The following IGDCC4 variants were observed in gnomAD, a reference collection of about 807,000 sequenced individuals.
The protein encoded by IGDCC4 is likely ortholog of mouse neighbor of Punc E11.
Under a neutral mutation model 116.6 loss-of-function variants are expected in IGDCC4, and 72 were observed. The ratio of observed to expected loss-of-function variants is 0.62; its 90% CI spans 0.51 to 0.75. IGDCC4 has a LOEUF of 0.75. Among genes scored for constraint, IGDCC4 ranks in the 30% least tolerant of loss-of-function variants. The pLI is 0.00. For synonymous variants in IGDCC4, 709 were observed against 719.9 expected (o/e 0.98, Z 0.24); for missense variants, 1,501 against 1,662.4 (o/e 0.90, Z 1.69).
At position 65,396,034 on chromosome 15, in the gene IGDCC4, C is replaced by A; in HGVS notation, c.1127G>T (p.Arg376Leu). ...CTGGACCTTGACGCGCCCGTTGGGC[C>A]GCAGCGGCGCCCCGTTGTGCAGCCA... is the stretch of plus-strand genomic sequence containing the variant. ...LRWLHNGAPL[R>L]PNGRVKVQGG... Residue 376 changes from arginine (R) to leucine (L), a missense_variant, in exon 7 of 20, where the codon CGG becomes CTG. By Grantham distance (102) the Arg-to-Leu change is moderately radical (BLOSUM62 -2). This residue lies in a region of IGDCC4 where 898 missense variants were observed against 978.9 expected (regional missense o/e 0.92). Transcript: ENST00000352385. 1 of 1,465,140 alleles carries A rather than the reference C, an allele frequency of 6.8e-7. No homozygotes were observed. Among genetic ancestry groups the A allele is most frequent in the Middle Eastern group, 1.9e-4 (1 of 5,268 alleles). The allele number at this position is 1,465,140 out of a possible 1,614,324, so 90.8% of individuals were successfully genotyped here.
chr15:65,389,624 C>A (rs1462953694), intron 13 of IGDCC4, among the ~76,000 whole-genome samples: 1 of 152,210 alleles, frequency 6.6e-6, no homozygotes, highest in East Asian at 1.9e-4. Context: ...AAACCAGACC[C>A]CTTCCTCCAG....
Position 65,396,831 on chromosome 15 carries a change from C to T in IGDCC4, c.997+3G>A. The T allele has an allele frequency of 6.4e-7, 1 of 1,565,530 alleles. No individual in the cohort carries two copies. Among genetic ancestry groups the T allele is most frequent in the Non-Finnish European group, 8.7e-7 (1 of 1,154,992 alleles). On this transcript the variant is annotated splice_donor_region_variant and intron_variant, in intron 6 of 19. Coordinates refer to ENST00000352385, the MANE Select transcript of IGDCC4 (RefSeq NM_020962.3). ...GCTCCCTCCGCCCTTCGGCCCGCCT[C>T]ACCCAGCACACGGAGCTCAGCGGCT...
At position 65,390,280 on chromosome 15, in the gene IGDCC4, G is replaced by A. The variant is rs1160030578; in HGVS notation, c.2283C>T (p.Asn761=). The stretch of plus-strand genomic sequence containing the variant: ...ACCGAAGCCAGATGGATGTGGAGCT[G>A]TTTGATTCCGCATGGACGTGGGCTG... ...LPPAHVHAES[N]SSTSIWLRWK... The change falls in exon 13 of 20, where the codon AAC becomes AAT. Residue 761 remains asparagine (N), a synonymous_variant. Coordinates refer to ENST00000352385, the MANE Select transcript of IGDCC4 (RefSeq NM_020962.3). The A allele has an allele frequency of 1.9e-6, 3 of 1,613,134 alleles. No homozygotes were observed. The highest frequency in any genetic ancestry group is 4.5e-5 in the East Asian group (2 of 44,854).
intron 3 of IGDCC4, 60 bp from the exon 4 acceptor site, chr15:65,402,547 T>G (rs958636583): frequency 3.3e-6 from 5 of 1,536,370 alleles, no homozygotes; most frequent in East Asian, 4.8e-5. Context: ...GGAGGGTGGC[T>G]CATGGTAAGA....
Position 65,395,812 on chromosome 15 carries a change from T to C in IGDCC4, c.1349A>G (p.Glu450Gly). The C allele has an allele frequency of 1.3e-6, 2 of 1,509,964 alleles. No homozygotes were observed. The highest frequency in any genetic ancestry group is 1.8e-6 in the Non-Finnish European group (2 of 1,126,078). The allele number at this position is 1,509,964 out of a possible 1,614,324, so 93.5% of individuals were successfully genotyped here. The change falls in exon 7 of 20, where the codon GAG becomes GGG. Residue 450 changes from glutamate (E) to glycine (G), a missense_variant. Physicochemically the swap from Glu to Gly is moderately conservative, Grantham distance 98. Around this residue, in one of 3 missense-constraint regions of IGDCC4, gnomAD observed 898 missense variants for 978.9 expected, o/e 0.92. Coordinates refer to ENST00000352385, the MANE Select transcript of IGDCC4 (RefSeq NM_020962.3). ...CTGCTCGCTGTGCATCTCGGGCCGCTCCCAGGCCACCAACACAGCGGAGCT... is the reference window on the plus strand; with the variant it reads ...CTGCTCGCTGTGCATCTCGGGCCGCCCCCAGGCCACCAACACAGCGGAGCT... ...LSSSAVLVAWERPEMHSEQII... is the reference protein window; with the variant it reads ...LSSSAVLVAWGRPEMHSEQII...
chr15:65,390,755 A>T (rs2091506751), intron 12 of IGDCC4, among the ~76,000 whole-genome samples: 1 of 152,320 alleles, frequency 6.6e-6, no homozygotes, highest in Non-Finnish European at 1.5e-5. Context: ...TTAATATTTT[A>T]AAAATAGATA....
rs1235105783 is a variant in IGDCC4 at position 65,396,915 on chromosome 15, G to C, written c.916C>G (p.His306Asp). The C allele has an allele frequency of 6.4e-7, 1 of 1,573,394 alleles. No homozygotes were observed. The highest frequency in any genetic ancestry group is 8.6e-7 in the Non-Finnish European group (1 of 1,159,180). ...NLLIANAQPW[H>D]SGVYVCRANK... ...GCGCGGCAGACATAGACGCCGGAGT[G>C]CCAGGGCTGCGCGTTGGCAATTAGT... Residue 306 changes from histidine (H) to aspartate (D), a missense_variant, in exon 6 of 20, where the codon CAC becomes GAC. Coordinates refer to ENST00000352385, the MANE Select transcript of IGDCC4 (RefSeq NM_020962.3).
At chr15:65,389,453 C>A in intron 13 of IGDCC4, 42 bp from the exon 14 acceptor site, 1 of 1,613,952 alleles carries the variant, frequency 6.2e-7, no homozygotes, top group Middle Eastern at 1.7e-4. Flanking sequence ...CAGGCACACT[C>A]TCCCAGCAGG....
rs1346498986 is a variant in IGDCC4, at chr15:65,391,849, C to T, written c.2224+31G>A. 3.1e-6 allele frequency: 5 copies of T among 1,591,320 alleles called. No individual in the cohort carries two copies. In the Admixed American group the frequency reaches 6.7e-5, roughly 21 times the overall value. On this transcript the variant is annotated intron_variant, in intron 12 of 19. Coordinates refer to ENST00000352385, the MANE Select transcript of IGDCC4 (RefSeq NM_020962.3). Reference sequence around the variant, plus strand: ...CGGCTAGCAGAGCCCTCACCTGAGCCCTCCCCGCCTTCTTCCCCCACCGCC... The same window carrying T: ...CGGCTAGCAGAGCCCTCACCTGAGCTCTCCCCGCCTTCTTCCCCCACCGCC...
rs1448744410 is a variant in IGDCC4, at chr15:65,396,993, G to A, written c.842-4C>T. 4 of 1,575,750 alleles carry A rather than the reference G, an allele frequency of 2.5e-6. No homozygotes were observed. Among genetic ancestry groups the A allele is most frequent in the African/African-American group, 2.7e-5 (2 of 74,410 alleles). On this transcript the variant is annotated splice_region_variant and splice_polypyrimidine_tract_variant and intron_variant, in intron 5 of 19. Transcript: ENST00000352385. The stretch of plus-strand genomic sequence containing the variant: ...TCTGTGGAGATGGGCTTCCCGTCTG[G>A]GGAAGGAGAGGGAGACGCGCTGGAG...
In IGDCC4 at chr15:65,393,306, A is replaced by G; in HGVS notation, c.1885+55T>C. On this transcript the variant is annotated intron_variant, in intron 10 of 19. Coordinates refer to ENST00000352385, the MANE Select transcript of IGDCC4 (RefSeq NM_020962.3). This position sits in a 1 kb window ranked among gnomAD's most constrained non-coding sequence, Gnocchi z 4.6. ...GTGGGGCGCTGGGTCCCAAGGACAC[A>G]CGCACACCCACACAGTCACACACAC... 2 of 1,511,802 alleles carry G rather than the reference A, an allele frequency of 1.3e-6. No individual in the cohort carries two copies. The highest frequency in any genetic ancestry group is 2.4e-5 in the East Asian group (1 of 40,914). 93.6% of individuals were successfully genotyped at this position (1,511,802 alleles called of 1,614,324 possible). A position where few individuals can be genotyped will look rare whatever the true frequency, so the allele number is the denominator to read the frequency against.
intron 17 of IGDCC4, 139 bp downstream of exon 17, chr15:65,386,412 C>A: frequency 1.3e-6 from 1 of 755,356 alleles, no homozygotes; most frequent in South Asian, 1.5e-5. Flanking sequence ...ATCCCTGATT[C>A]CTTCATCCCA....
At chr15:65,422,652 G>A in intron 1 of IGDCC4, 141 bp downstream of exon 1, 1 of 533,132 alleles carries the variant, frequency 1.9e-6, no homozygotes, top group Non-Finnish European at 2.7e-6. Flanking sequence ...CCCCGCGCAG[G>A]CATCGCGGGC....
At chr15:65,396,693 G>C (rs2062930578) in intron 6 of IGDCC4, 141 bp downstream of exon 6, 2 of 1,079,254 alleles carry the variant, frequency 1.9e-6, no homozygotes, top group Non-Finnish European at 2.6e-6. Flanking sequence ...TCCCACCTCC[G>C]CCTTACTAGG....
At chr15:65,398,998 T>C (rs768442806) in intron 5 of IGDCC4, among the ~76,000 whole-genome samples, 13 of 152,130 alleles carry the variant, frequency 8.5e-5, no homozygotes, top group Non-Finnish European at 1.3e-4. Context: ...GGAATGAAGC[T>C]CCTTTCCAGC....
Position 65,410,931 on chromosome 15 carries a change from A to C in IGDCC4, c.421+89T>G. On this transcript the variant is annotated intron_variant, in intron 2 of 19. Transcript: ENST00000352385. ...GGGGGAGTGGGATCAAGAGAGAGGC[A>C]TTTGTGCAAGTAACTAACTGCAGAT... 4 of 1,038,948 alleles carry C rather than the reference A, an allele frequency of 3.9e-6. 1 individual carries two copies. The highest frequency in any genetic ancestry group is 5.5e-6 in the Non-Finnish European group (4 of 721,720). The allele number at this position is 1,038,948 out of a possible 1,614,324, so 64.4% of individuals were successfully genotyped here.
Position 65,402,405 on chromosome 15 carries a change from T to A in IGDCC4, c.646A>T (p.Asn216Tyr), listed in dbSNP as rs2062996247. Residue 216 changes from asparagine to tyrosine, a missense_variant, in exon 4 of 20, where the codon AAC (asparagine) becomes TAC (tyrosine). Transcript: ENST00000352385. ...DAGPYRCVAT[N>Y]SARQHFSQEA... is the part of the protein sequence containing the mutation. ...TGGCTGAAGTGCTGGCGAGCTGAGTTGGTGGCCACGCAGCGGTAGGGGCCT... is the reference window on the plus strand; with the variant it reads ...TGGCTGAAGTGCTGGCGAGCTGAGTAGGTGGCCACGCAGCGGTAGGGGCCT... 6.4e-7 allele frequency: 1 copy of A among 1,571,942 alleles called. No individual in the cohort carries two copies. Among genetic ancestry groups the A allele is most frequent in the South Asian group, 1.2e-5 (1 of 85,426 alleles).
Position 65,384,490 on chromosome 15 carries a change from G to C in IGDCC4, c.3343-71C>G. Reference sequence around the variant, plus strand: ...GTAATCATCAGAATGACCAGCGTACGTGGGGCAGAAAGTCTGACCCTCCAT... The same window carrying C: ...GTAATCATCAGAATGACCAGCGTACCTGGGGCAGAAAGTCTGACCCTCCAT... On this transcript the variant is annotated intron_variant, in intron 19 of 19. Transcript: ENST00000352385. The surrounding 1 kb of genome is among the most constrained non-coding windows in gnomAD (Gnocchi z 4.9). The C allele has an allele frequency of 7.1e-7, 1 of 1,417,558 alleles. No homozygotes were observed. The highest frequency in any genetic ancestry group is 9.3e-7 in the Non-Finnish European group (1 of 1,070,524). 87.8% of individuals were successfully genotyped at this position (1,417,558 alleles called of 1,614,324 possible). A position where few individuals can be genotyped will look rare whatever the true frequency, so the allele number is the denominator to read the frequency against.
In IGDCC4 at chr15:65,393,235, G is replaced by T; in HGVS notation, c.1885+126C>A. On this transcript the variant is annotated intron_variant, in intron 10 of 19. Coordinates refer to ENST00000352385, the MANE Select transcript of IGDCC4 (RefSeq NM_020962.3). This position sits in a 1 kb window ranked among gnomAD's most constrained non-coding sequence, Gnocchi z 4.6. ...CACCTAAGCCTCACTCACCCATCAA[G>T]CGGAGGGAGCCATGGAAGGTCTCTG... 9.8e-7 allele frequency: 1 copy of T among 1,018,502 alleles called. No individual in the cohort carries two copies. The highest frequency in any genetic ancestry group is 1.4e-6 in the Non-Finnish European group (1 of 738,510). The allele number at this position is 1,018,502 out of a possible 1,614,324, so 63.1% of individuals were successfully genotyped here.
Sources: allele counts gnomAD v4.1 joint callset (sites outside exome capture counted in the v4.1 genomes callset), GRCh38; gene constraint gnomAD v4.1.1; regional missense constraint gnomAD v4.1.1; non-coding constraint Gnocchi (gnomAD v3.1); transcripts MANE v1.5; gene names NCBI Gene and HGNC (gene_info 2026-07-23, HGNC 2026-07-21).